The following DELE1 variants were observed in gnomAD, a reference collection of about 807,000 sequenced individuals.
DELE1 encodes DAP3 binding cell death enhancer 1.
A neutral mutation model predicts 59.3 loss-of-function variants in DELE1; 54 were observed. The ratio of observed to expected loss-of-function variants is 0.91; its 90% CI spans 0.73 to 1.14. The LOEUF (loss-of-function observed/expected upper bound fraction) is 1.14. DELE1 is among the 50% of genes most tolerant of loss of function. The pLI is 0.00. For missense variants in DELE1, 636 were observed against 643.9 expected, an observed-to-expected ratio of 0.99 and a Z score of 0.13; for synonymous variants, 264 against 259.1, an observed-to-expected ratio of 1.02 and a Z score of -0.18.
In DELE1 at chr5:141,939,306, T is replaced by G. The variant is rs1752601131; in HGVS notation, c.*547T>G. 1.4e-6 allele frequency: 1 copy of G among 716,508 alleles called. No homozygotes were observed. Among genetic ancestry groups the G allele is most frequent in the African/African-American group, 2.0e-5 (1 of 51,114 alleles). The allele number at this position is 716,508 out of a possible 1,614,324, so 44.4% of individuals were successfully genotyped here. A position where few individuals can be genotyped will look rare whatever the true frequency, so the allele number is the denominator to read the frequency against. On this transcript the variant is annotated 3_prime_UTR_variant, in exon 12 of 12. Coordinates refer to ENST00000432126, the MANE Select transcript of DELE1 (RefSeq NM_014773.5). ...GGATAAAGCTAACTGTAAAAAAAAA[T>G]AGTGAATCAGTTTAAAGAAAAACAT...
chr5:141,936,102 T>G (rs1752330951), intron 10 of DELE1, among the ~76,000 whole-genome samples: 1 of 152,204 alleles, frequency 6.6e-6, no homozygotes, highest in African/African-American at 2.4e-5. Flanking sequence ...TTTGTTTTGT[T>G]TTTTTAATTG....
chr5:141,926,903 C>T (rs190905844), intron 3 of DELE1, among the ~76,000 whole-genome samples: 16 of 152,226 alleles, frequency 1.1e-4, no homozygotes, highest in African/African-American at 3.4e-4. Context: ...AGGGTCTGCA[C>T]GCAAGCTGTC....
chr5:141,925,389 G>C, intron 2 of DELE1, 21 bp from the exon 3 acceptor site: 1 of 1,510,944 alleles, frequency 6.6e-7, no homozygotes, highest in Non-Finnish European at 9.0e-7. Flanking sequence ...CTACTTGATA[G>C]CCTCTTATTT....
Position 141,925,489 on chromosome 5 carries a change from C to G in DELE1, c.226C>G (p.Arg76Gly). 1 of 1,603,574 alleles carries G rather than the reference C, an allele frequency of 6.2e-7. No homozygotes were observed. The highest frequency in any genetic ancestry group is 8.5e-7 in the Non-Finnish European group (1 of 1,175,230). The change falls in exon 3 of 12, where the codon CGT becomes GGT. Residue 76 changes from arginine to glycine, a missense_variant. By Grantham distance (125) the Arg-to-Gly change is moderately radical. Transcript: ENST00000432126. ...GGATGCCTTCCAATGGATGTCTTCC[C>G]GTGTCTCCCCGAACACCCTATGGGA... ...WKDAFQWMSS[R>G]VSPNTLWDAI... is the part of the protein sequence containing the mutation.
rs1561513055 is a variant in DELE1, at chr5:141,930,075, G to T, written c.657+1G>T. ...CCAGCCTCAGCCCACTGGTGAAAAG[G>T]TATTATCCAGATTTGGCCACCTGGA... On this transcript the variant is annotated splice_donor_variant, in intron 6 of 11. Coordinates refer to ENST00000432126, the MANE Select transcript of DELE1 (RefSeq NM_014773.5). LOFTEE classifies it high-confidence loss of function. 2 of 1,614,068 alleles carry T rather than the reference G, an allele frequency of 1.2e-6. No individual in the cohort carries two copies. The highest frequency in any genetic ancestry group is 1.7e-5 in the Admixed American group (1 of 60,010).
chr5:141,938,807 C>T lies in DELE1; in HGVS notation c.*48C>T. 6.5e-7 allele frequency: 1 copy of T among 1,547,334 alleles called. No individual in the cohort carries two copies. Among genetic ancestry groups the T allele is most frequent in the East Asian group, 2.3e-5 (1 of 43,992 alleles). On this transcript the variant is annotated 3_prime_UTR_variant, in exon 12 of 12. Coordinates refer to ENST00000432126, the MANE Select transcript of DELE1 (RefSeq NM_014773.5). The stretch of plus-strand genomic sequence containing the variant: ...GGTGCCTCTTAGGGGCCAGAGCGGG[C>T]AGGAGGTTGGATAACAAAAATAGAG...
At position 141,924,690 on chromosome 5, in the gene DELE1, C is replaced by G; in HGVS notation, c.141C>G (p.Leu47=). 1 of 1,599,866 alleles carries G rather than the reference C, an allele frequency of 6.3e-7. No individual in the cohort carries two copies. The highest frequency in any genetic ancestry group is 8.6e-7 in the Non-Finnish European group (1 of 1,167,062). ...SSTLLVPVPN[L]DRSGPHGPGT... ...CTTTGCTGGTTCCTGTGCCTAACCT[C>G]GACAGGTAAGATACTGCCATTTTAC... Residue 47 remains leucine (L), a synonymous_variant, in exon 2 of 12, where the codon CTC becomes CTG. Transcript: ENST00000432126.
Position 141,941,418 on chromosome 5 carries a change from G to A in DELE1, c.*2659G>A. 1 of 985,516 alleles carries A rather than the reference G, an allele frequency of 1.0e-6. No homozygotes were observed. Among genetic ancestry groups the A allele is most frequent in the Non-Finnish European group, 1.2e-6 (1 of 829,992 alleles). 61.0% of individuals were successfully genotyped at this position (985,516 alleles called of 1,614,324 possible). A position where few individuals can be genotyped will look rare whatever the true frequency, so the allele number is the denominator to read the frequency against. On this transcript the variant is annotated 3_prime_UTR_variant, in exon 12 of 12. Coordinates refer to ENST00000432126, the MANE Select transcript of DELE1 (RefSeq NM_014773.5). ...AGTCGTGAGAAAGGTGTTGTCAAGG[G>A]ACCAAAAATCCTTGGCTGTTCAGTC...
chr5:141,938,777 T>TC lies in DELE1; in HGVS notation c.*21dup. The stretch of plus-strand genomic sequence containing the variant: ...TTGGCTAAGGTGAGATAAAACATAG[T>TC]CCCTGGTGCCTCTTAGGGGCCAGAG... On this transcript the variant is annotated 3_prime_UTR_variant, in exon 12 of 12. Coordinates refer to ENST00000432126, the MANE Select transcript of DELE1 (RefSeq NM_014773.5). The TC allele has an allele frequency of 1.3e-6, 2 of 1,596,476 alleles. No individual in the cohort carries two copies. The highest frequency in any genetic ancestry group is 1.7e-6 in the Non-Finnish European group (2 of 1,169,256).
At chr5:141,933,479 TG>T in intron 8 of DELE1, 78 bp downstream of exon 8, 2 of 1,181,496 alleles carry the variant, frequency 1.7e-6, no homozygotes, top group South Asian at 5.9e-5. Context: ...TGGGCAGGGA[TG>T]GGGGAAAGTT....
At position 141,928,181 on chromosome 5, in the gene DELE1, G is replaced by T. The variant is rs763428807; in HGVS notation, c.295G>T (p.Ala99Ser). The T allele has an allele frequency of 7.7e-5, 125 of 1,614,036 alleles. No individual in the cohort carries two copies. Among genetic ancestry groups the T allele is most frequent in the Non-Finnish European group, 9.7e-5 (115 of 1,179,998 alleles). Reference sequence around the variant, plus strand: ...TCTGGCCGTGCTGGCCCTGCAGCTGGCAAGGCAGATCCACTTCCAGGCATC... The same window carrying T: ...TCTGGCCGTGCTGGCCCTGCAGCTGTCAAGGCAGATCCACTTCCAGGCATC... The part of the protein sequence containing the change: ...GTLAVLALQL[A>S]RQIHFQASLP... Residue 99 changes from alanine (A) to serine (S), a missense_variant, in exon 4 of 12, where the codon GCA (alanine) becomes TCA (serine). Physicochemically the swap from Ala to Ser is moderately conservative, Grantham distance 99 (BLOSUM62 1). Coordinates refer to ENST00000432126, the MANE Select transcript of DELE1 (RefSeq NM_014773.5).
intron 10 of DELE1, 124 bp downstream of exon 10, chr5:141,934,710 A>G: frequency 1.1e-6 from 1 of 932,194 alleles, no homozygotes; most frequent in Non-Finnish European, 1.7e-6. Context: ...CCTGGCTTCA[A>G]GCCTTAGCGC....
chr5:141,939,135 GCCAA>G lies in DELE1; in HGVS notation c.*377_*380del. On this transcript the variant is annotated 3_prime_UTR_variant, in exon 12 of 12. Coordinates refer to ENST00000432126, the MANE Select transcript of DELE1 (RefSeq NM_014773.5). The stretch of plus-strand genomic sequence containing the variant: ...CACACTTAAATCTGTACTACTGTTT[GCCAA>G]TGTCTGATGTGTGTATCCCTGGTTC... 1.0e-6 allele frequency: 1 copy of G among 1,003,298 alleles called. No homozygotes were observed. Among genetic ancestry groups the G allele is most frequent in the Non-Finnish European group, 1.2e-6 (1 of 840,714 alleles). 62.1% of individuals were successfully genotyped at this position (1,003,298 alleles called of 1,614,324 possible). A position where few individuals can be genotyped will look rare whatever the true frequency, so the allele number is the denominator to read the frequency against.
chr5:141,928,236 A>T lies in DELE1; in HGVS notation c.350A>T (p.His117Leu), dbSNP rs1223261270. ...CCAGCAGGACCTCAGCGGGTAGAAC[A>T]CTGCTCCTGGCACAGTCCCCTGGAC... ...SLPAGPQRVEHCSWHSPLDRF... is the reference protein window; with the variant it reads ...SLPAGPQRVELCSWHSPLDRF... Residue 117 changes from histidine to leucine, a missense_variant, in exon 4 of 12, where the codon CAC becomes CTC. Coordinates refer to ENST00000432126, the MANE Select transcript of DELE1 (RefSeq NM_014773.5). 1 of 1,614,178 alleles carries T rather than the reference A, an allele frequency of 6.2e-7. No homozygotes were observed. Among genetic ancestry groups the T allele is most frequent in the Non-Finnish European group, 8.5e-7 (1 of 1,180,020 alleles).
Position 141,940,706 on chromosome 5 carries a change from C to T in DELE1, c.*1947C>T, listed in dbSNP as rs764371841. On this transcript the variant is annotated 3_prime_UTR_variant, in exon 12 of 12. Coordinates refer to ENST00000432126, the MANE Select transcript of DELE1 (RefSeq NM_014773.5). ...TGGCTCACCACTGTTGGACCCTGCA[C>T]ATGGCCACCTTCCACAGATGGCACT... 1.0e-6 allele frequency: 1 copy of T among 976,126 alleles called. No individual in the cohort carries two copies. Among genetic ancestry groups the T allele is most frequent in the Non-Finnish European group, 1.2e-6 (1 of 821,420 alleles). The allele number at this position is 976,126 out of a possible 1,614,324, so 60.5% of individuals were successfully genotyped here.
rs753288347 is a variant in DELE1 at position 141,934,536 on chromosome 5, C to G, written c.1099C>G (p.Leu367Val). Residue 367 changes from leucine (L) to valine (V), a missense_variant, in exon 10 of 12, where the codon CTG becomes GTG. Coordinates refer to ENST00000432126, the MANE Select transcript of DELE1 (RefSeq NM_014773.5). ...LGVLFTKEPYLDEQRAVKYLW... is the reference protein window; with the variant it reads ...LGVLFTKEPYVDEQRAVKYLW... The stretch of plus-strand genomic sequence containing the variant: ...GGTGCTTTTCACCAAGGAGCCCTAC[C>G]TGGATGAGCAGAGAGCTGTGAAATA... The G allele has an allele frequency of 1.3e-5, 21 of 1,614,260 alleles. No homozygotes were observed. Among genetic ancestry groups the G allele is most frequent in the Non-Finnish European group, 1.5e-5 (18 of 1,180,048 alleles).
rs1170337545 is a variant in DELE1, at chr5:141,940,824, C to G, written c.*2065C>G. ...GGTAGGAAACCTGAGGTTTCAAGCT[C>G]AGGGTTTTAAGCTGTGCAGTGCACT... On this transcript the variant is annotated 3_prime_UTR_variant, in exon 12 of 12. Coordinates refer to ENST00000432126, the MANE Select transcript of DELE1 (RefSeq NM_014773.5). The G allele has an allele frequency of 1.0e-6, 1 of 985,316 alleles. No homozygotes were observed. Among genetic ancestry groups the G allele is most frequent in the African/African-American group, 1.7e-5 (1 of 57,240 alleles). The allele number at this position is 985,316 out of a possible 1,614,324, so 61.0% of individuals were successfully genotyped here. A position where few individuals can be genotyped will look rare whatever the true frequency, so the allele number is the denominator to read the frequency against.
intron 3 of DELE1, among the ~76,000 whole-genome samples, chr5:141,927,756 A>G (rs910605053): frequency 2.0e-5 from 3 of 152,138 alleles, no homozygotes; most frequent in South Asian, 2.1e-4. Context: ...CTAGGTGCCA[A>G]CCTACCCCAT....
intron 11 of DELE1, 24 bp downstream of exon 11, chr5:141,937,381 C>T (rs10064193): frequency 0.083 from 134,335 of 1,611,886 alleles, 6,195 homozygotes; most frequent in South Asian, 0.13. Context: ...TCCAAGCCAA[C>T]AGGTTCATTC....
Sources: allele counts gnomAD v4.1 joint callset (sites outside exome capture counted in the v4.1 genomes callset), GRCh38; gene constraint gnomAD v4.1.1; transcripts MANE v1.5; gene names NCBI Gene and HGNC (gene_info 2026-07-23, HGNC 2026-07-21).